The following OCM2 variants were observed in gnomAD, a reference collection of about 807,000 sequenced individuals.
OCM2 encodes the protein oncomodulin-2.
In OCM2, 6 loss-of-function variants were observed where a neutral mutation model predicts 13.6. The ratio of observed to expected loss-of-function variants is 0.44; its 90% confidence interval spans 0.24 to 0.87. The LOEUF is 0.87. Ranked by LOEUF, OCM2 falls within the 40% of genes least tolerant of loss-of-function variation. OCM2 has a pLI of 0.22. For missense variants in OCM2, 118 were observed against 136.8 expected, an observed-to-expected ratio of 0.86 and a Z score of 0.68; for synonymous variants, 40 against 50.7, an observed-to-expected ratio of 0.79 and a Z score of 0.90.
intron 1 of OCM2, 26 bp downstream of exon 1, chr7:97,990,018 C>CGTGG: frequency 4.1e-6 from 3 of 722,992 alleles, no homozygotes; most frequent in Non-Finnish European, 7.3e-6. Flanking sequence ...TGAGGAAATC[C>CGTGG]CACCCCCGCC....
intron 1 of OCM2, 28 bp downstream of exon 1, chr7:97,990,016 T>TGCGACCC: frequency 9.2e-7 from 1 of 1,083,840 alleles, no homozygotes. Flanking sequence ...TGTGAGGAAA[T>TGCGACCC]CCCACCCCCG....
rs1329892267 is a variant in OCM2 at position 97,988,565 on chromosome 7, GGGTTATTCT to G, written c.62-26_62-18del. ...TGTCTGGGTCTGAAGAACAGAGAAT[GGGTTATTCT>G]GACACTCATTGGATCACATTCTATG... is the stretch of plus-strand genomic sequence containing the variant. On this transcript the variant is annotated intron_variant, in intron 1 of 3. Coordinates refer to ENST00000257627, the Ensembl canonical transcript of OCM2. The G allele has an allele frequency of 2.5e-6, 4 of 1,613,920 alleles. No individual in the cohort carries two copies. Among genetic ancestry groups the G allele is most frequent in the Non-Finnish European group, 3.4e-6 (4 of 1,179,984 alleles).
At chr7:97,985,540 T>C (rs1470823507) in intron 3 of OCM2, among the ~76,000 whole-genome samples, 1 of 152,198 alleles carries the variant, frequency 6.6e-6, no homozygotes, top group Non-Finnish European at 1.5e-5. Context: ...AACAAACATC[T>C]TCAGCTTTGC....
exon 4 of OCM2, chr7:97,984,889 C>A: frequency 7.1e-7 from 1 of 1,405,658 alleles, no homozygotes; most frequent in Non-Finnish European, 1.0e-6. Flanking sequence ...TGGGGTTCCC[C>A]ATTCCCAGGG....
At chr7:97,988,740 C>G (rs1422848360) in intron 1 of OCM2, among the ~76,000 whole-genome samples, 192 bp from the exon 2 acceptor site, 1 of 149,276 alleles carries the variant, frequency 6.7e-6, no homozygotes, top group Non-Finnish European at 1.5e-5. Flanking sequence ...TCCCCTCCGC[C>G]CCGGTCTTCC....
At chr7:97,985,017 A>G in intron 3 of OCM2, 34 bp from the exon 4 acceptor site, 1 of 1,614,026 alleles carries the variant, frequency 6.2e-7, no homozygotes, top group African/African-American at 1.3e-5. Context: ...GGGTCAGTGG[A>G]GGTGGCTTCG....
rs1361970158 is a variant in OCM2, at chr7:97,990,165, T to C, written c.-61A>G. 6.6e-7 allele frequency: 1 copy of C among 1,510,054 alleles called. No homozygotes were observed. Among genetic ancestry groups the C allele is most frequent in the Non-Finnish European group, 9.2e-7 (1 of 1,087,654 alleles). 93.5% of individuals were successfully genotyped at this position (1,510,054 alleles called of 1,614,324 possible). A position where few individuals can be genotyped will look rare whatever the true frequency, so the allele number is the denominator to read the frequency against. On this transcript the variant is annotated 5_prime_UTR_variant, in exon 1 of 4. It removes an upstream start codon present in the reference 5' UTR. Coordinates refer to ENST00000257627, the Ensembl canonical transcript of OCM2. The stretch of plus-strand genomic sequence containing the variant: ...TAAGCCACAAACAGGAACGTGCACA[T>C]CCAGGGGAAACACATCTTCCCAGGC...
At chr7:97,985,781 C>A (rs1322340022) in intron 3 of OCM2, among the ~76,000 whole-genome samples, 2 of 152,088 alleles carry the variant, frequency 1.3e-5, no homozygotes, top group African/African-American at 4.8e-5. Context: ...CCAAAAGTTT[C>A]TGTTACTAAA....
intron 2 of OCM2, among the ~76,000 whole-genome samples, 182 bp from the exon 3 acceptor site, chr7:97,987,338 T>G (rs1420801004): frequency 6.6e-6 from 1 of 151,986 alleles, no homozygotes; most frequent in Non-Finnish European, 1.5e-5. Flanking sequence ...ATTTTTAAGG[T>G]TTTGTTTGTT....
exon 4 of OCM2, chr7:97,984,799 C>T (rs986409914): frequency 3.9e-6 from 4 of 1,037,456 alleles, no homozygotes; most frequent in Non-Finnish European, 4.3e-6. Context: ...ATGAGTGACT[C>T]TCTCGTGACC....
At chr7:97,988,808 C>G (rs1466183791) in intron 1 of OCM2, among the ~76,000 whole-genome samples, 1 of 152,088 alleles carries the variant, frequency 6.6e-6, no homozygotes, top group Non-Finnish European at 1.5e-5. Context: ...CTGTGCCTCC[C>G]CCTCCCCCTG....
chr7:97,985,433 AAGAAAG>A (rs1429139991), intron 3 of OCM2, among the ~76,000 whole-genome samples: 1 of 129,260 alleles, frequency 7.7e-6, no homozygotes, highest in Non-Finnish European at 1.7e-5. Flanking sequence ...AAAAAAAAAA[AAGAAAG>A]AAAGAAAGAA....
intron 1 of OCM2, among the ~76,000 whole-genome samples, chr7:97,989,375 G>T (rs868232423): frequency 8.1e-6 from 1 of 123,894 alleles, no homozygotes; most frequent in East Asian, 2.4e-4. Context: ...TTCCAGCCAA[G>T]CTCTTATTTA....
At chr7:97,989,386 C>CTTATTTATTTATTTATTTAT (rs55906293) in intron 1 of OCM2, among the ~76,000 whole-genome samples, 109 of 145,270 alleles carry the variant, frequency 7.5e-4, no homozygotes, top group South Asian at 3.1e-3. Flanking sequence ...CTCTTATTTA[C>CTTATTTATTTATTTATTTAT]TTATTTATTT....
chr7:97,988,559 G>A lies in OCM2; in HGVS notation c.62-11C>T. ...CAAAAGTGTCTGGGTCTGAAGAACA[G>A]AGAATGGGTTATTCTGACACTCATT... On this transcript the variant is annotated splice_polypyrimidine_tract_variant and intron_variant, in intron 1 of 3. Transcript: ENST00000257627. The A allele has an allele frequency of 6.2e-7, 1 of 1,614,170 alleles. No homozygotes were observed. The highest frequency in any genetic ancestry group is 8.5e-7 in the Non-Finnish European group (1 of 1,180,024).
chr7:97,985,480 T>C (rs1238454902), intron 3 of OCM2, among the ~76,000 whole-genome samples: 1 of 150,956 alleles, frequency 6.6e-6, no homozygotes, highest in Non-Finnish European at 1.5e-5. Context: ...TATCAATGAC[T>C]ATATCTCAAG....
At position 97,987,159 on chromosome 7, in the gene OCM2, A is replaced by G; in HGVS notation, c.195-3T>C. 6.2e-7 allele frequency: 1 copy of G among 1,613,222 alleles called. No individual in the cohort carries two copies. Among genetic ancestry groups the G allele is most frequent in the Non-Finnish European group, 8.5e-7 (1 of 1,179,360 alleles). Reference sequence around the variant, plus strand: ...TCTCAAACTTCTGGAGGAAAAACCTACAGGATAATAAAGATCCATGGGGAT... The same window carrying G: ...TCTCAAACTTCTGGAGGAAAAACCTGCAGGATAATAAAGATCCATGGGGAT... On this transcript the variant is annotated splice_polypyrimidine_tract_variant and splice_region_variant and intron_variant, in intron 2 of 3. Transcript: ENST00000257627.
In OCM2 at chr7:97,990,025, C is replaced by G. The variant is rs370136361; in HGVS notation, c.61+19G>C. On this transcript the variant is annotated intron_variant, in intron 1 of 3. Coordinates refer to ENST00000257627, the Ensembl canonical transcript of OCM2. ...CAAAGCTGTGAGGAAATCCCACCCC[C>G]GCCCCACGTCCCCTCTACCTTGGCA... 3 of 1,523,216 alleles carry G rather than the reference C, an allele frequency of 2.0e-6. No homozygotes were observed. The highest frequency in any genetic ancestry group is 1.1e-5 in the South Asian group (1 of 89,314). The allele number at this position is 1,523,216 out of a possible 1,614,324, so 94.4% of individuals were successfully genotyped here.
exon 1 of OCM2, chr7:97,990,119 C>G: frequency 6.3e-7 from 1 of 1,594,152 alleles, no homozygotes; most frequent in Non-Finnish European, 8.6e-7. Context: ...TACCTACTCA[C>G]ACAGAATAAA....
Sources: gnomAD v4.1 joint callset for allele counts (sites outside exome capture counted in the v4.1 genomes callset) on GRCh38, gnomAD v4.1.1 for gene constraint, MANE v1.5 for transcripts, NCBI Gene and HGNC (gene_info 2026-07-23, HGNC 2026-07-21) for gene names.